FBXO34: variants seen among roughly 807,000 people sequenced by gnomAD.
FBXO34 encodes F-box protein 34.
FBXO34 carries 12 observed loss-of-function variants against 24.5 expected under a neutral mutation model. The ratio of observed to expected loss-of-function variants is 0.49; its 90% CI spans 0.31 to 0.79. The LOEUF (loss-of-function observed/expected upper bound fraction) is 0.79. Among genes scored for constraint, FBXO34 ranks in the 30% least tolerant of loss-of-function variants. The pLI is 0.04. For missense variants in FBXO34, 823 were observed against 857.7 expected, an observed-to-expected ratio of 0.96 and a Z score of 0.51; for synonymous variants, 320 against 311.9, an observed-to-expected ratio of 1.03 and a Z score of -0.27.
In FBXO34 at chr14:55,352,323, T is replaced by C. The variant is rs759901831; in HGVS notation, c.1933T>C (p.Ser645Pro). 6.2e-7 allele frequency: 1 copy of C among 1,614,184 alleles called. No homozygotes were observed. The highest frequency in any genetic ancestry group is 8.5e-7 in the Non-Finnish European group (1 of 1,180,016). Residue 645 changes from serine (S) to proline (P), a missense_variant, in exon 2 of 2, where the codon TCC becomes CCC. Physicochemically the swap from Ser to Pro is moderately conservative, Grantham distance 74. This residue lies in a region of FBXO34 where 130 missense variants were observed against 198.6 expected (regional missense o/e 0.65). Transcript: ENST00000313833. Reference sequence around the variant, plus strand: ...GAAAAAGTATGTGAAAGGGGATGTGTCCCTGTGCCGATGGCACCCCAAGCC... The same window carrying C: ...GAAAAAGTATGTGAAAGGGGATGTGCCCCTGTGCCGATGGCACCCCAAGCC... ...CKKKYVKGDV[S>P]LCRWHPKPYC...
intron 1 of FBXO34, among the ~76,000 whole-genome samples, chr14:55,301,908 GTGTC>G (rs768431408): frequency 5.3e-5 from 8 of 152,270 alleles, no homozygotes; most frequent in Admixed American, 1.3e-4. Context: ...TACTCTTCTG[GTGTC>G]TGTCTGGCAG....
the FBXO34 span, chr14:55,414,169 T>C: frequency 1.9e-6 from 1 of 520,988 alleles, no homozygotes; most frequent in Non-Finnish European, 3.4e-6. Context: ...AATTTTGAAA[T>C]GTTTACTTGT....
chr14:55,307,400 G>A (rs1882589508), intron 1 of FBXO34, among the ~76,000 whole-genome samples: 1 of 152,234 alleles, frequency 6.6e-6, no homozygotes, highest in Admixed American at 6.5e-5. Context: ...GCGGGAAGAA[G>A]GTGAGTGGCC....
chr14:55,433,014 C>A, the FBXO34 span, among the ~76,000 whole-genome samples: 1 of 152,234 alleles, frequency 6.6e-6, no homozygotes, highest in African/African-American at 2.4e-5. Context: ...ACTTATAACA[C>A]ACTTCATCAT....
chr14:55,293,421 G>A (rs1355985646), intron 1 of FBXO34, among the ~76,000 whole-genome samples: 1 of 152,134 alleles, frequency 6.6e-6, no homozygotes, highest in African/African-American at 2.4e-5. Context: ...GACCTCAAGG[G>A]TTCTTCCTAC....
intron 1 of FBXO34, among the ~76,000 whole-genome samples, chr14:55,288,258 AT>A (rs914486482): frequency 1.3e-5 from 2 of 151,964 alleles, no homozygotes; most frequent in African/African-American, 2.4e-5. Context: ...GGAAAATCCA[AT>A]TTTTTTTGGG....
At chr14:55,315,821 T>C (rs1882907540) in intron 1 of FBXO34, among the ~76,000 whole-genome samples, 3 of 152,224 alleles carry the variant, frequency 2.0e-5, no homozygotes, top group Non-Finnish European at 4.4e-5. Flanking sequence ...GTGAGGTACT[T>C]GATGCTGAGT....
At chr14:55,312,129 G>A (rs1322313918) in intron 1 of FBXO34, among the ~76,000 whole-genome samples, 1 of 151,340 alleles carries the variant, frequency 6.6e-6, no homozygotes, top group Non-Finnish European at 1.5e-5. Flanking sequence ...GAACCTGGGA[G>A]GTGGAGGTTG....
chr14:55,313,136 C>T lies in FBXO34; in HGVS notation c.-10-37245C>T, dbSNP rs546347453. ...CATCCAAGTCACCTCCTAAGCTTTG[C>T]GGCGTAAACATTTCTTCTACGAGAT... is the stretch of plus-strand genomic sequence containing the variant. On this transcript the variant is annotated intron_variant, in intron 1 of 1. Transcript: ENST00000313833. Among the ~76,000 whole-genome samples, 15 of 152,294 alleles carry T rather than the reference C, an allele frequency of 9.8e-5. No homozygotes were observed. In the South Asian group the frequency reaches 1.2e-3, roughly 13 times the overall value.
At chr14:55,292,117 G>T (rs1244635853) in intron 1 of FBXO34, among the ~76,000 whole-genome samples, 2 of 152,066 alleles carry the variant, frequency 1.3e-5, no homozygotes, top group East Asian at 3.8e-4. Flanking sequence ...GAAAAAGAAA[G>T]TAATATATAT....
the FBXO34 span, chr14:55,391,177 C>A: frequency 4.1e-6 from 2 of 491,846 alleles, no homozygotes; most frequent in Non-Finnish European, 7.1e-6. Flanking sequence ...TAGTTCAATG[C>A]AGAGAAAAGA....
chr14:55,428,119 CTTTTTTTTTTTTTTTT>C, the FBXO34 span, among the ~76,000 whole-genome samples: 5 of 43,332 alleles, frequency 1.2e-4, no homozygotes, highest in African/African-American at 2.3e-4. Context: ...CATGCCTTAT[CTTTTTTTTTTTTTTTT>C]TTTTTTTTTT....
downstream of FBXO34, chr14:55,369,721 G>A (rs755996908): frequency 2.5e-6 from 4 of 1,612,576 alleles, no homozygotes; most frequent in South Asian, 3.3e-5. Flanking sequence ...GGGACGCCTG[G>A]GTGCTCTGAC....
At chr14:55,326,651 C>G (rs561938257) in intron 1 of FBXO34, among the ~76,000 whole-genome samples, 1 of 152,144 alleles carries the variant, frequency 6.6e-6, no homozygotes, top group African/African-American at 2.4e-5. Flanking sequence ...AGTTTCTTAG[C>G]TTATGAATAG....
chr14:55,329,543 C>T (rs1030139294), intron 1 of FBXO34, among the ~76,000 whole-genome samples: 3 of 152,200 alleles, frequency 2.0e-5, no homozygotes, highest in Non-Finnish European at 4.4e-5. Context: ...ACTTGAATCA[C>T]TCCTTTTCTA....
At chr14:55,310,269 G>A (rs1316645771) in intron 1 of FBXO34, among the ~76,000 whole-genome samples, 1 of 152,216 alleles carries the variant, frequency 6.6e-6, no homozygotes, top group East Asian at 1.9e-4. Context: ...AGCTATTAAT[G>A]TGGAAGTATG....
chr14:55,286,618 C>G (rs1013878516), intron 1 of FBXO34, among the ~76,000 whole-genome samples: 1 of 152,100 alleles, frequency 6.6e-6, no homozygotes, highest in African/African-American at 2.4e-5. Context: ...CCCTCAGGAG[C>G]ATTTACTCTG....
At chr14:55,356,591 G>C (rs1222825633), downstream of FBXO34, among the ~76,000 whole-genome samples, 1 of 151,956 alleles carries the variant, frequency 6.6e-6, no homozygotes, top group East Asian at 1.9e-4. Flanking sequence ...GGGACTACAG[G>C]CATGCGCCAC....
chr14:55,372,536 CCCTT>C (rs1359432539), downstream of FBXO34, among the ~76,000 whole-genome samples: 1 of 151,804 alleles, frequency 6.6e-6, no homozygotes. Flanking sequence ...GCTCACTCCT[CCCTT>C]CCTTCTTTCC....
Sources: gnomAD v4.1 joint callset for allele counts (sites outside exome capture counted in the v4.1 genomes callset) on GRCh38, gnomAD v4.1.1 for gene constraint, gnomAD v4.1.1 regional missense constraint, MANE v1.5 for transcripts, NCBI Gene and HGNC (gene_info 2026-07-23, HGNC 2026-07-21) for gene names.